The following MED27 variants were observed in gnomAD, a reference collection of about 807,000 sequenced individuals.
MED27 encodes the protein mediator complex subunit 27, also known as mediator of RNA polymerase II transcription subunit 27.
A neutral mutation model predicts 38.2 loss-of-function variants in MED27; 30 were observed. The ratio of observed to expected loss-of-function variants is 0.79; its 90% CI spans 0.59 to 1.07. MED27 has a LOEUF of 1.07. Among genes scored for constraint, MED27 ranks in the 50% least tolerant of loss-of-function variants. The pLI is 0.00. For synonymous variants in MED27, 122 were observed against 153.5 expected, an observed-to-expected ratio of 0.79 and a Z score of 1.52; for missense variants, 289 against 397.5, an observed-to-expected ratio of 0.73 and a Z score of 2.32.
intron 2 of MED27, among the ~76,000 whole-genome samples, chr9:132,057,112 C>T (rs1052349816): frequency 1.3e-5 from 2 of 152,186 alleles, no homozygotes; most frequent in Admixed American, 6.5e-5. Flanking sequence ...CCACAAAACA[C>T]CTAAATAATG....
At chr9:132,015,675 T>C (rs1296024787) in intron 2 of MED27, among the ~76,000 whole-genome samples, 1 of 152,190 alleles carries the variant, frequency 6.6e-6, no homozygotes, top group Non-Finnish European at 1.5e-5. Flanking sequence ...ATATAACTCA[T>C]CATTCTCACT....
At chr9:131,932,133 G>A (rs1331496524) in intron 4 of MED27, among the ~76,000 whole-genome samples, 2 of 151,566 alleles carry the variant, frequency 1.3e-5, no homozygotes, top group Non-Finnish European at 2.9e-5. Flanking sequence ...AACAAAACAA[G>A]TCTTAACACA....
chr9:132,030,744 A>G (rs1046305842), intron 2 of MED27, among the ~76,000 whole-genome samples: 2 of 152,252 alleles, frequency 1.3e-5, no homozygotes, highest in African/African-American at 4.8e-5. Context: ...TGTATCAAAA[A>G]CAGGAGCCAG....
chr9:131,891,711 G>A (rs747165819), intron 5 of MED27, among the ~76,000 whole-genome samples: 12 of 152,138 alleles, frequency 7.9e-5, no homozygotes, highest in Non-Finnish European at 1.3e-4. Flanking sequence ...AGAATCATCC[G>A]CTCGCATGTG....
intron 4 of MED27, among the ~76,000 whole-genome samples, chr9:131,929,807 A>G (rs921639492): frequency 6.6e-6 from 1 of 152,216 alleles, no homozygotes; most frequent in Non-Finnish European, 1.5e-5. Flanking sequence ...CCTGGGACCT[A>G]GGGGAACTTG....
intron 2 of MED27, among the ~76,000 whole-genome samples, chr9:132,054,400 C>A (rs1833530625): frequency 1.3e-5 from 2 of 152,194 alleles, no homozygotes; most frequent in Non-Finnish European, 2.9e-5. Flanking sequence ...GTGCAGCCTG[C>A]AGAACGGTGA....
chr9:131,929,500 G>T (rs186938978), intron 4 of MED27, among the ~76,000 whole-genome samples: 1 of 152,112 alleles, frequency 6.6e-6, no homozygotes, highest in South Asian at 2.1e-4. Flanking sequence ...TGCCCTGAAG[G>T]GTGAGTCTCA....
chr9:132,068,380 G>A (rs992499959), intron 2 of MED27, among the ~76,000 whole-genome samples: 1 of 152,128 alleles, frequency 6.6e-6, no homozygotes, highest in African/African-American at 2.4e-5. Flanking sequence ...CTGAGAGAGA[G>A]GGAGGAAATC....
chr9:131,970,098 G>A (rs1038024413), intron 3 of MED27, among the ~76,000 whole-genome samples: 12 of 152,218 alleles, frequency 7.9e-5, no homozygotes, highest in African/African-American at 2.7e-4. Context: ...TGACAAGTGG[G>A]TCTGTGAACA....
intron 4 of MED27, among the ~76,000 whole-genome samples, chr9:131,901,362 A>G (rs1326616511): frequency 6.6e-6 from 1 of 152,194 alleles, no homozygotes; most frequent in East Asian, 1.9e-4. Context: ...GATATAAACA[A>G]TCATTTTCTC....
chr9:131,860,478 G>T lies in MED27; in HGVS notation c.*60C>A. On this transcript the variant is annotated 3_prime_UTR_variant, in exon 8 of 8. Coordinates refer to ENST00000292035, the MANE Select transcript of MED27 (RefSeq NM_004269.4). This position sits in a 1 kb window ranked among gnomAD's most constrained non-coding sequence, Gnocchi z 5.8. The stretch of plus-strand genomic sequence containing the variant: ...TGAGGAACCAGCTGAGCCTTCTGTG[G>T]GCTTCCTGCGTGTCTGGGAAGGTGC... 2 of 1,461,594 alleles carry T rather than the reference G, an allele frequency of 1.4e-6. 1 individual carries two copies. The highest frequency in any genetic ancestry group is 2.9e-5 in the South Asian group (2 of 68,806). The allele number at this position is 1,461,594 out of a possible 1,614,324, so 90.5% of individuals were successfully genotyped here.
At chr9:131,931,956 A>C (rs1338189518) in intron 4 of MED27, among the ~76,000 whole-genome samples, 1 of 152,172 alleles carries the variant, frequency 6.6e-6, no homozygotes, top group Non-Finnish European at 1.5e-5. Flanking sequence ...AAAACCAACA[A>C]AGAAACATCA....
chr9:132,037,464 T>A (rs889935522), intron 2 of MED27, among the ~76,000 whole-genome samples: 1 of 152,144 alleles, frequency 6.6e-6, no homozygotes, highest in Non-Finnish European at 1.5e-5. Flanking sequence ...AGAAGAGTAA[T>A]CTAGGCTTTT....
chr9:131,874,480 G>A (rs973123391), intron 6 of MED27, among the ~76,000 whole-genome samples: 7 of 152,298 alleles, frequency 4.6e-5, no homozygotes, highest in African/African-American at 1.2e-4. Flanking sequence ...GAGTGAATGG[G>A]AGAGAAAGTG....
intron 2 of MED27, among the ~76,000 whole-genome samples, chr9:132,036,928 A>G (rs905243013): frequency 6.6e-6 from 1 of 152,206 alleles, no homozygotes; most frequent in Non-Finnish European, 1.5e-5. Flanking sequence ...GGCCGAAGGA[A>G]CAACATGTAA....
At chr9:131,945,117 A>ATAATTT (rs1185202789) in intron 3 of MED27, among the ~76,000 whole-genome samples, 1 of 146,942 alleles carries the variant, frequency 6.8e-6, no homozygotes, top group African/African-American at 2.5e-5. Flanking sequence ...TTATATATAA[A>ATAATTT]TATATAAAAA....
rs148944881 is a variant in MED27, at chr9:132,074,616, A to G, written c.348+2826T>C. ...TTTCATTTGTAGGAAAGGCAAGATA[A>G]ACACATATAATTAATTGTTTGCTTC... On this transcript the variant is annotated intron_variant, in intron 2 of 7. Coordinates refer to ENST00000292035, the MANE Select transcript of MED27 (RefSeq NM_004269.4). Among the ~76,000 whole-genome samples, 363 of 152,352 alleles carry G rather than the reference A, an allele frequency of 2.4e-3. 1 individual carries two copies. Among genetic ancestry groups the G allele is most frequent in the African/African-American group, 7.8e-3 (323 of 41,576 alleles).
chr9:131,945,737 AT>A (rs890075553), intron 3 of MED27, among the ~76,000 whole-genome samples: 62 of 149,490 alleles, frequency 4.1e-4, no homozygotes, highest in African/African-American at 1.4e-3. Context: ...AGGCAGGAAG[AT>A]GGCTTGAGCT....
chr9:132,008,055 T>G (rs2131067322), intron 3 of MED27, among the ~76,000 whole-genome samples: 1 of 152,324 alleles, frequency 6.6e-6, no homozygotes, highest in East Asian at 1.9e-4. Context: ...ATGAACACAG[T>G]CACCTCTGCT....
Sources: gnomAD v4.1 joint callset for allele counts (sites outside exome capture counted in the v4.1 genomes callset) on GRCh38, gnomAD v4.1.1 for gene constraint, Gnocchi (gnomAD v3.1) non-coding constraint, MANE v1.5 for transcripts, NCBI Gene and HGNC (gene_info 2026-07-23, HGNC 2026-07-21) for gene names.